ORC4: variants seen among roughly 807,000 people sequenced by gnomAD.
ORC4 encodes origin recognition complex subunit 4, also known as origin recognition complex, subunit 4 homolog.
A neutral mutation model predicts 63.9 loss-of-function variants in ORC4; 55 were observed. That is an observed-to-expected ratio of 0.86 (90% CI 0.69 to 1.08). ORC4 has a LOEUF of 1.08. Ranked by LOEUF, ORC4 falls within the 50% of genes least tolerant of loss-of-function variation. The pLI, the probability that ORC4 is intolerant of heterozygous loss-of-function variation, is 0.00. For synonymous variants in ORC4, 150 were observed against 168.5 expected (o/e 0.89, Z 0.85); for missense variants, 511 against 504.4 (o/e 1.01, Z -0.13).
chr2:147,994,137 A>C (rs761705896), intron 1 of ORC4, among the ~76,000 whole-genome samples: 11 of 152,236 alleles, frequency 7.2e-5, no homozygotes, highest in Non-Finnish European at 1.3e-4. Flanking sequence ...TTCACCAAAA[A>C]TGTAGATATA....
At chr2:147,989,495 C>T (rs189417007) in intron 1 of ORC4, among the ~76,000 whole-genome samples, 117 of 152,230 alleles carry the variant, frequency 7.7e-4, no homozygotes, top group Non-Finnish European at 1.2e-3. Flanking sequence ...CACTTGAGGT[C>T]AGGAGTTTGA....
intron 1 of ORC4, among the ~76,000 whole-genome samples, chr2:147,998,952 C>T (rs1206129541): frequency 6.6e-6 from 1 of 152,134 alleles, no homozygotes; most frequent in African/African-American, 2.4e-5. Context: ...ATGGGAACAG[C>T]TGTCAATTCC....
intron 11 of ORC4, 105 bp downstream of exon 11, chr2:147,939,035 T>C (rs2105259098): frequency 4.1e-6 from 3 of 740,354 alleles, no homozygotes; most frequent in Middle Eastern, 4.7e-4. Context: ...ACGAAAGTAT[T>C]TTATAAAGCA....
intron 4 of ORC4, among the ~76,000 whole-genome samples, chr2:147,966,273 T>C (rs1421932227): frequency 6.6e-6 from 1 of 151,136 alleles, no homozygotes; most frequent in Non-Finnish European, 1.5e-5. Context: ...ACTAGAAAAA[T>C]TTCAAATAAA....
chr2:147,935,115 C>G lies in ORC4; in HGVS notation c.*395G>C, dbSNP rs780942883. The G allele has an allele frequency of 3.5e-5, 6 of 173,084 alleles. No homozygotes were observed. The highest frequency in any genetic ancestry group is 6.2e-5 in the Non-Finnish European group (5 of 80,486). 10.7% of individuals were successfully genotyped at this position (173,084 alleles called of 1,614,324 possible). ...AAACACTGCAGCAAACCTGCTGTAC[C>G]AAAGGTTACTTATTATACTTCAGTG... is the stretch of plus-strand genomic sequence containing the variant. On this transcript the variant is annotated 3_prime_UTR_variant, in exon 14 of 14. Coordinates refer to ENST00000392857, the MANE Select transcript of ORC4 (RefSeq NM_181741.4).
chr2:148,018,355 G>A (rs916465652), intron 1 of ORC4, among the ~76,000 whole-genome samples: 1 of 152,118 alleles, frequency 6.6e-6, no homozygotes, highest in Non-Finnish European at 1.5e-5. Flanking sequence ...TACTGCTGTC[G>A]GGGTATACAT....
intron 1 of ORC4, among the ~76,000 whole-genome samples, chr2:148,016,020 G>GT (rs1164108266): frequency 6.6e-6 from 1 of 152,122 alleles, no homozygotes; most frequent in African/African-American, 2.4e-5. Flanking sequence ...AGAACTCAAC[G>GT]TAAGAACTCA....
chr2:147,989,282 T>C (rs1039501547), intron 1 of ORC4, among the ~76,000 whole-genome samples: 1 of 152,068 alleles, frequency 6.6e-6, no homozygotes, highest in Non-Finnish European at 1.5e-5. Context: ...GGTAGGGAGT[T>C]GGGGTGGAGT....
chr2:147,992,328 C>G (rs763872910), intron 1 of ORC4, among the ~76,000 whole-genome samples: 2 of 152,114 alleles, frequency 1.3e-5, no homozygotes, highest in Non-Finnish European at 2.9e-5. Context: ...ACGATAATAG[C>G]TCACTGAAGT....
chr2:147,966,933 T>C (rs1327856532), intron 4 of ORC4, among the ~76,000 whole-genome samples: 1 of 152,074 alleles, frequency 6.6e-6, no homozygotes, highest in Non-Finnish European at 1.5e-5. Context: ...CTGATGAATA[T>C]AGATGCAAAA....
chr2:147,990,888 G>T (rs1482516015), intron 1 of ORC4, among the ~76,000 whole-genome samples: 1 of 151,892 alleles, frequency 6.6e-6, no homozygotes, highest in African/African-American at 2.4e-5. Flanking sequence ...AATTGAAAAG[G>T]CTTGCAATTC....
chr2:147,936,109 GTC>G (rs1688037762), intron 13 of ORC4, among the ~76,000 whole-genome samples: 1 of 152,060 alleles, frequency 6.6e-6, no homozygotes, highest in Admixed American at 6.6e-5. Context: ...TATTTTGTCT[GTC>G]TCTATTTTTG....
chr2:148,008,345 C>T (rs1215046538), intron 1 of ORC4, among the ~76,000 whole-genome samples: 2 of 152,106 alleles, frequency 1.3e-5, no homozygotes, highest in Non-Finnish European at 2.9e-5. Flanking sequence ...ATCTAGAGAA[C>T]CTTCTTCTTT....
At chr2:147,944,311 G>C (rs1688536151) in intron 9 of ORC4, among the ~76,000 whole-genome samples, 1 of 151,932 alleles carries the variant, frequency 6.6e-6, no homozygotes, top group African/African-American at 2.4e-5. Context: ...TTAAGTAGTA[G>C]GTGGGAAAAG....
At chr2:147,986,834 T>A (rs1691230263) in intron 1 of ORC4, among the ~76,000 whole-genome samples, 1 of 146,314 alleles carries the variant, frequency 6.8e-6, no homozygotes, top group African/African-American at 2.6e-5. Context: ...TTGAATCCAC[T>A]AAAATAAAAA....
intron 1 of ORC4, among the ~76,000 whole-genome samples, chr2:148,005,898 C>T (rs533182021): frequency 3.2e-4 from 48 of 152,126 alleles, no homozygotes; most frequent in African/African-American, 1.0e-3. Flanking sequence ...ATCACTTCAG[C>T]CCAGGAGGTC....
chr2:147,979,822 A>G (rs965532559), intron 1 of ORC4, among the ~76,000 whole-genome samples: 4 of 152,182 alleles, frequency 2.6e-5, no homozygotes, highest in African/African-American at 4.8e-5. Flanking sequence ...CACACAACGG[A>G]GTAAGGACAG....
intron 1 of ORC4, among the ~76,000 whole-genome samples, chr2:147,996,188 C>T (rs1691961124): frequency 6.6e-6 from 1 of 151,962 alleles, no homozygotes; most frequent in South Asian, 2.1e-4. Context: ...CCTGTAGTTC[C>T]AGCTACTTGG....
chr2:148,013,359 G>T (rs904948671), intron 1 of ORC4, among the ~76,000 whole-genome samples: 1 of 152,184 alleles, frequency 6.6e-6, no homozygotes, highest in Non-Finnish European at 1.5e-5. Flanking sequence ...CCCATATGTG[G>T]AAGCTTCAAA....
Sources: allele counts gnomAD v4.1 joint callset (sites outside exome capture counted in the v4.1 genomes callset), GRCh38; gene constraint gnomAD v4.1.1; transcripts MANE v1.5; gene names NCBI Gene and HGNC (gene_info 2026-07-23, HGNC 2026-07-21).